LINC00632: variants seen among roughly 807,000 people sequenced by gnomAD.
LINC00632 encodes the protein long independently transcribed non-coding RNA 632.
chrX:140,754,236 T>A (rs112570933), intron 3 of LINC00632, among the ~76,000 whole-genome samples: 2 of 111,409 alleles, frequency 1.8e-5, no homozygotes, highest in Non-Finnish European at 3.8e-5. Context: ...TGAAAAATAA[T>A]GATCCCTTCC....
chrX:140,724,385 GCACA>G (rs1299810341), intron 2 of LINC00632, among the ~76,000 whole-genome samples: 2 of 1,498 alleles, frequency 1.3e-3, no homozygotes, highest in Non-Finnish European at 2.7e-3. Flanking sequence ...CACAGTCCAT[GCACA>G]CACACAAACA....
At chrX:140,768,969 T>C (rs181068568) in intron 3 of LINC00632, among the ~76,000 whole-genome samples, 29 of 107,586 alleles carry the variant, frequency 2.7e-4, no homozygotes, top group African/African-American at 9.4e-4. Flanking sequence ...ATTCCATAGA[T>C]AGAAAGGAAA....
intron 3 of LINC00632, among the ~76,000 whole-genome samples, chrX:140,762,378 A>G (rs1319479014): frequency 8.9e-6 from 1 of 112,233 alleles, no homozygotes; most frequent in South Asian, 3.7e-4. Context: ...ATTAGAAGTC[A>G]TGAAAAGCAG....
chrX:140,714,494 T>G (rs1310544898), intron 2 of LINC00632: 3 of 111,955 alleles, frequency 2.7e-5, no homozygotes, highest in Non-Finnish European at 5.6e-5. Flanking sequence ...GTGCACAAAT[T>G]CATGTCACAA....
At chrX:140,745,323 C>A (rs1326938269) in intron 3 of LINC00632, among the ~76,000 whole-genome samples, 13 of 110,290 alleles carry the variant, frequency 1.2e-4, no homozygotes, top group Non-Finnish European at 1.9e-5. Context: ...GGCAAGTCAC[C>A]TCCTGCGGAT....
chrX:140,711,767 T>C (rs190575202), intron 2 of LINC00632: 22 of 148,672 alleles, frequency 1.5e-4, no homozygotes, highest in Middle Eastern at 7.0e-4. Context: ...ATTTTTACCA[T>C]TTATGGTGGT....
intron 3 of LINC00632, among the ~76,000 whole-genome samples, chrX:140,763,423 T>C (rs1341876868): frequency 7.6e-5 from 7 of 92,326 alleles, no homozygotes; most frequent in African/African-American, 2.7e-4. Flanking sequence ...AAAAAAAAAA[T>C]TCTAGTAGTT....
exon 5 of LINC00632, among the ~76,000 whole-genome samples, chrX:140,785,743 G>T (rs769223512): frequency 1.1e-3 from 125 of 112,011 alleles, no homozygotes; most frequent in African/African-American, 3.9e-3. Flanking sequence ...ATTACCCTTT[G>T]CTTCAGAATC....
At chrX:140,785,492 A>G (rs192306511) in exon 5 of LINC00632, among the ~76,000 whole-genome samples, 34 of 112,368 alleles carry the variant, frequency 3.0e-4, no homozygotes, top group Admixed American at 2.9e-3. Flanking sequence ...GTTTAAAATC[A>G]TGATAGAATG....
At chrX:140,723,649 CACACACACATTCCATAT>C (rs1930801335) in intron 2 of LINC00632, among the ~76,000 whole-genome samples, 2 of 55,522 alleles carry the variant, frequency 3.6e-5, no homozygotes, top group Non-Finnish European at 6.6e-5. Context: ...ACATTCCATA[CACACACACATTCCATAT>C]ACACACATTC....
At chrX:140,740,524 A>G in intron 3 of LINC00632, among the ~76,000 whole-genome samples, 1 of 111,088 alleles carries the variant, frequency 9.0e-6, no homozygotes, top group Non-Finnish European at 1.9e-5. Context: ...TATGAGATTT[A>G]CAAGAAGTAA....
In LINC00632 at chrX:140,723,050, A is replaced by AAAG. The variant is rs539655237; in HGVS notation, n.105-10826_105-10825insGAA. Reference sequence around the variant, plus strand: ...AGGGAAACTCCATCTCAAAAAAAAAAAAAGAAAAGAAAAGAAAAAAACTTC... The same window carrying AAAG: ...AGGGAAACTCCATCTCAAAAAAAAAAAAGAAAGAAAAGAAAAGAAAAAAACTTC... On this transcript the variant is annotated intron_variant and non_coding_transcript_variant, in intron 2 of 4. Coordinates refer to ENST00000648200, the Ensembl canonical transcript of LINC00632. Among the ~76,000 whole-genome samples, 775 of 109,882 alleles carry AAAG rather than the reference A, an allele frequency of 7.1e-3. 3 individuals are homozygous for AAAG. Among genetic ancestry groups the AAAG allele is most frequent in the South Asian group, 0.032 (82 of 2,582 alleles).
intron 2 of LINC00632, among the ~76,000 whole-genome samples, chrX:140,726,641 C>T (rs975931589): frequency 1.8e-5 from 2 of 111,377 alleles, no homozygotes; most frequent in Admixed American, 9.6e-5. Context: ...CATAACATCA[C>T]GAGCTCTTCC....
At chrX:140,788,114 C>A (rs1316902882) in exon 5 of LINC00632, among the ~76,000 whole-genome samples, 2 of 108,699 alleles carry the variant, frequency 1.8e-5, no homozygotes, top group Non-Finnish European at 3.8e-5. Flanking sequence ...GCTACATACA[C>A]ATAGCATACA....
intron 3 of LINC00632, among the ~76,000 whole-genome samples, chrX:140,738,917 A>T (rs1322081386): frequency 8.9e-6 from 1 of 112,038 alleles, no homozygotes; most frequent in African/African-American, 3.2e-5. Flanking sequence ...AACCACTTCT[A>T]TGGAAAAAAT....
chrX:140,771,640 C>CACAT (rs1931796013), intron 3 of LINC00632, among the ~76,000 whole-genome samples: 1 of 60,173 alleles, frequency 1.7e-5, no homozygotes, highest in East Asian at 6.2e-4. Context: ...CACACACACA[C>CACAT]ACACATACAT....
At chrX:140,717,058 C>A (rs1930645324) in intron 2 of LINC00632, among the ~76,000 whole-genome samples, 1 of 109,940 alleles carries the variant, frequency 9.1e-6, no homozygotes, top group Admixed American at 9.7e-5. Context: ...AATCTCGGCT[C>A]ACTGCAGCCT....
chrX:140,736,608 TG>T (rs1168900224), intron 3 of LINC00632, among the ~76,000 whole-genome samples: 1 of 107,714 alleles, frequency 9.3e-6, no homozygotes, highest in African/African-American at 3.4e-5. Flanking sequence ...AGCTAATTTT[TG>T]TATGTTTAGT....
intron 2 of LINC00632, among the ~76,000 whole-genome samples, chrX:140,718,424 T>G (rs535087257): frequency 0.1 from 11,122 of 106,299 alleles, 788 homozygotes; most frequent in African/African-American, 0.26. Context: ...TTTTTTTTTT[T>G]TTTTTGAGAT....
Sources: allele counts gnomAD v4.1 joint callset (sites outside exome capture counted in the v4.1 genomes callset), GRCh38; gene constraint gnomAD v4.1.1; transcripts MANE v1.5; gene names NCBI Gene and HGNC (gene_info 2026-07-23, HGNC 2026-07-21).